The following TNNT1 variants were observed in gnomAD, a reference collection of about 807,000 sequenced individuals.
TNNT1 encodes the protein troponin T, slow skeletal muscle.
TNNT1 carries 53 observed loss-of-function variants against 50.6 expected under a neutral mutation model. The observed-to-expected ratio is 1.05, with a 90% confidence interval of 0.84 to 1.32. TNNT1 has a LOEUF of 1.32. Among genes scored for constraint, TNNT1 ranks in the 40% most tolerant of loss-of-function variants. TNNT1 has a pLI of 0.00. For synonymous variants in TNNT1, 142 were observed against 138.0 expected (o/e 1.03, Z -0.20); for missense variants, 348 against 381.7 (o/e 0.91, Z 0.74).
intron 7 of TNNT1, 84 bp downstream of exon 7, chr19:55,141,773 C>T (rs2085460290): frequency 6.5e-7 from 1 of 1,544,026 alleles, no homozygotes; most frequent in Non-Finnish European, 8.9e-7. Context: ...AGGCCCCGCG[C>T]CCGGCCGGCG....
At chr19:55,142,104 GT>G (rs1396590699) in intron 6 of TNNT1, 184 bp from the exon 7 acceptor site, 13 of 604,804 alleles carry the variant, frequency 2.1e-5, no homozygotes, top group Non-Finnish European at 3.6e-5. Flanking sequence ...CACTACTCAT[GT>G]TTTTTTGGTT....
intron 9 of TNNT1, among the ~76,000 whole-genome samples, chr19:55,138,884 C>T (rs1024172990): frequency 2.6e-5 from 4 of 152,178 alleles, no homozygotes; most frequent in African/African-American, 2.4e-5. Context: ...TTACGACATT[C>T]GAGAAACTCT....
chr19:55,147,753 G>T (rs1159906630), intron 1 of TNNT1, among the ~76,000 whole-genome samples: 2 of 137,170 alleles, frequency 1.5e-5, no homozygotes, highest in African/African-American at 5.1e-5. Flanking sequence ...GAGGGGCCGC[G>T]GGCCTGGACG....
chr19:55,141,845 C>G lies in TNNT1; in HGVS notation c.192+12G>C. ...AGCAACTGCGCCTGCGGAGGGGTCTCTTGTCACTTACATCGAAGTCAACGC... is the reference window on the plus strand; with the variant it reads ...AGCAACTGCGCCTGCGGAGGGGTCTGTTGTCACTTACATCGAAGTCAACGC... On this transcript the variant is annotated intron_variant, in intron 7 of 13. Transcript: ENST00000588981. The G allele has an allele frequency of 6.2e-7, 1 of 1,613,918 alleles. No homozygotes were observed.
intron 3 of TNNT1, 132 bp downstream of exon 3, chr19:55,146,876 C>A: frequency 7.6e-7 from 1 of 1,318,216 alleles, no homozygotes. Context: ...ACGCTCCAGA[C>A]CCGGAGAGGG....
At position 55,147,133 on chromosome 19, in the gene TNNT1, A is replaced by G; in HGVS notation, c.25T>C (p.Tyr9His). 2 of 1,613,856 alleles carry G rather than the reference A, an allele frequency of 1.2e-6. No individual in the cohort carries two copies. The highest frequency in any genetic ancestry group is 2.2e-5 in the East Asian group (1 of 44,872). The change falls in exon 2 of 14, where the codon TAT becomes CAT. Residue 9 changes from tyrosine to histidine, a missense_variant. Tyr to His is a moderately conservative substitution (Grantham distance 83). Around this residue, in one of 3 missense-constraint regions of TNNT1, gnomAD observed 90 missense variants for 70.8 expected, o/e 1.27. Coordinates refer to ENST00000588981, the MANE Select transcript of TNNT1 (RefSeq NM_003283.6). The part of the protein sequence containing the change: MSDTEEQE[Y>H]EEEQPEEEAA... ...TCCCAGTGCAGCACTCACTCCTCAT[A>G]TTCCTGCTCCTCGGTGTCCGACATC...
At chr19:55,146,395 C>T in intron 5 of TNNT1, 39 bp downstream of exon 5, 1 of 1,342,730 alleles carries the variant, frequency 7.4e-7, no homozygotes, top group Admixed American at 3.5e-5. Context: ...CCCCCGGGCC[C>T]CCGACATCGG....
At position 55,145,685 on chromosome 19, in the gene TNNT1, C is replaced by G. The variant is rs976906855; in HGVS notation, c.107-120G>C. 4.0e-6 allele frequency: 4 copies of G among 1,000,178 alleles called. No homozygotes were observed. In the South Asian group the frequency reaches 5.4e-5, roughly 13 times the overall value. 62.0% of individuals were successfully genotyped at this position (1,000,178 alleles called of 1,614,324 possible). A position where few individuals can be genotyped will look rare whatever the true frequency, so the allele number is the denominator to read the frequency against. ...CGGCCCCCAGGACCCCAGGGAAGGA[C>G]TCTGGAGTCCAGTTCTGGAGGAGGG... On this transcript the variant is annotated intron_variant, in intron 5 of 13. Transcript: ENST00000588981.
chr19:55,142,275 C>G (rs2085472344), intron 6 of TNNT1, among the ~76,000 whole-genome samples: 1 of 151,038 alleles, frequency 6.6e-6, no homozygotes, highest in African/African-American at 2.5e-5. Flanking sequence ...CGCCCACCAC[C>G]AAGCCTGGCT....
rs375682055 is a variant in TNNT1, at chr19:55,146,713, G to C, written c.47-6C>G. The C allele has an allele frequency of 2.2e-4, 339 of 1,509,046 alleles. No homozygotes were observed. Among genetic ancestry groups the C allele is most frequent in the Non-Finnish European group, 1.7e-4 (196 of 1,127,238 alleles). The allele number at this position is 1,509,046 out of a possible 1,614,324, so 93.5% of individuals were successfully genotyped here. The stretch of plus-strand genomic sequence containing the variant: ...CTCCTCCTCCGCAGCCTCCTCTGGA[G>C]ATGGGGGCACAGAAGAGAAGGCGTT... On this transcript the variant is annotated splice_polypyrimidine_tract_variant and splice_region_variant and intron_variant, in intron 3 of 13. Coordinates refer to ENST00000588981, the MANE Select transcript of TNNT1 (RefSeq NM_003283.6).
chr19:55,146,367 C>G (rs114353580), intron 5 of TNNT1, 67 bp downstream of exon 5: 2 of 1,226,082 alleles, frequency 1.6e-6, no homozygotes, highest in Non-Finnish European at 2.1e-6. Context: ...AGGTTGGGGC[C>G]CGAGGATATC....
intron 13 of TNNT1, 64 bp from the exon 14 acceptor site, chr19:55,133,024 G>A: frequency 1.4e-6 from 2 of 1,437,210 alleles, no homozygotes; most frequent in East Asian, 4.8e-5. Flanking sequence ...TGGGCCCCAG[G>A]CCCTCAATTC....
Position 55,149,109 on chromosome 19 carries a change from TC to T in TNNT1, c.-12+51del, listed in dbSNP as rs1421092735. 6.4e-5 allele frequency: 29 copies of T among 454,676 alleles called. No homozygotes were observed. In the Admixed American group the frequency reaches 6.6e-4, roughly 10 times the overall value. 28.2% of individuals were successfully genotyped at this position (454,676 alleles called of 1,614,324 possible). On this transcript the variant is annotated intron_variant, in intron 1 of 13. Transcript: ENST00000588981. ...TCTTCCCCACCTGCCTCCTGCCCCC[TC>T]CCCCAAGGACATGGTTTTTGAAGAC... is the stretch of plus-strand genomic sequence containing the variant.
In TNNT1 at chr19:55,135,525, C is replaced by CTT. The variant is rs35798514; in HGVS notation, c.612-1323_612-1322dup. 8.7e-3 allele frequency: 1,486 copies of CTT among 171,558 alleles called. 3 individuals are homozygous for CTT. The highest frequency in any genetic ancestry group is 0.025 in the South Asian group (397 of 15,884). The allele number at this position is 171,558 out of a possible 1,614,324, so 10.6% of individuals were successfully genotyped here. On this transcript the variant is annotated intron_variant, in intron 11 of 13. Transcript: ENST00000588981. The stretch of plus-strand genomic sequence containing the variant: ...GCTCTAGTGATCCTCTCACCTCAGC[C>CTT]TTTTTTTTTTTTTTTTTTTAAGACA...
At position 55,133,132 on chromosome 19, in the gene TNNT1, C is replaced by T. The variant is rs73617669; in HGVS notation, c.792-172G>A. On this transcript the variant is annotated intron_variant, in intron 13 of 13. Transcript: ENST00000588981. ...TTTGGGTTCTATGACTGGGGGGCAGCGGCTGGTGGTCAAAGCCTCGCTGAC... is the reference window on the plus strand; with the variant it reads ...TTTGGGTTCTATGACTGGGGGGCAGTGGCTGGTGGTCAAAGCCTCGCTGAC... Among the ~76,000 whole-genome samples the T allele has an allele frequency of 2.0e-3, 304 of 151,878 alleles. 2 individuals are homozygous for T. The highest frequency in any genetic ancestry group is 6.9e-3 in the African/African-American group (286 of 41,352).
chr19:55,134,036 T>C (rs779575791), intron 12 of TNNT1, 30 bp downstream of exon 12: 401 of 1,598,948 alleles, frequency 2.5e-4, no homozygotes, highest in Non-Finnish European at 3.3e-4. Context: ...CTGCCCTCTC[T>C]CCCTCCCTCC....
intron 7 of TNNT1, 124 bp downstream of exon 7, chr19:55,141,733 G>A: frequency 8.8e-7 from 1 of 1,132,744 alleles, no homozygotes; most frequent in Non-Finnish European, 1.3e-6. Flanking sequence ...GGTCACCTCA[G>A]CCTCCCAAAG....
intron 6 of TNNT1, 135 bp from the exon 7 acceptor site, chr19:55,142,055 G>T: frequency 1.2e-6 from 1 of 810,604 alleles, no homozygotes; most frequent in Non-Finnish European, 2.1e-6. Context: ...CAGCTGAGGC[G>T]GGCTGTCAGT....
chr19:55,141,492 T>C (rs544857918), intron 7 of TNNT1, among the ~76,000 whole-genome samples, 190 bp from the exon 8 acceptor site: 1 of 147,186 alleles, frequency 6.8e-6, no homozygotes, highest in Non-Finnish European at 1.5e-5. Context: ...GAGTGGGGAG[T>C]GGGGACCGGC....
Sources: allele counts gnomAD v4.1 joint callset (sites outside exome capture counted in the v4.1 genomes callset), GRCh38; gene constraint gnomAD v4.1.1; regional missense constraint gnomAD v4.1.1; transcripts MANE v1.5; gene names NCBI Gene and HGNC (gene_info 2026-07-23, HGNC 2026-07-21).